The following MYPN variants were observed in gnomAD, a reference collection of about 807,000 sequenced individuals.
The protein encoded by MYPN is myopalladin.
A neutral mutation model predicts 129.4 loss-of-function variants in MYPN; 63 were observed. The ratio of observed to expected loss-of-function variants is 0.49; its 90% CI spans 0.40 to 0.60. The LOEUF (loss-of-function observed/expected upper bound fraction) is 0.60, where lower values mean the gene tolerates loss of function less well. Ranked by LOEUF, MYPN falls within the 20% of genes least tolerant of loss-of-function variation. The probability of loss-of-function intolerance (pLI) is 0.00; values close to 1 mark genes in which losing one functional copy is unlikely to be tolerated. For synonymous variants in MYPN, 629 were observed against 600.9 expected (o/e 1.05, Z -0.68); for missense variants, 1,596 against 1,635.4 (o/e 0.98, Z 0.42).
Position 68,148,409 on chromosome 10 carries a change from C to T in MYPN, c.1187C>T (p.Pro396Leu), listed in dbSNP as rs1324273324. Residue 396 changes from proline (P) to leucine (L), a missense_variant, in exon 5 of 20, where the codon CCA (proline) becomes CTA (leucine). Coordinates refer to ENST00000358913, the MANE Select transcript of MYPN (RefSeq NM_032578.4). ...SPPTTSAVIPPAVPQAQHLVA... is the reference protein window; with the variant it reads ...SPPTTSAVIPLAVPQAQHLVA... ...CCCACTACCTCTGCAGTCATTCCTCCAGCAGTACCCCAAGCCCAGCATTTG... is the reference window on the plus strand; with the variant it reads ...CCCACTACCTCTGCAGTCATTCCTCTAGCAGTACCCCAAGCCCAGCATTTG... 6.2e-7 allele frequency: 1 copy of T among 1,614,096 alleles called. No individual in the cohort carries two copies. Among genetic ancestry groups the T allele is most frequent in the Non-Finnish European group, 8.5e-7 (1 of 1,179,972 alleles).
chr10:68,192,710 G>A (rs2043535286), intron 13 of MYPN, among the ~76,000 whole-genome samples: 1 of 210 alleles, frequency 4.8e-3, no homozygotes, highest in African/African-American at 0.021. Flanking sequence ...GGTCTGGTCT[G>A]CTAGTTTTCT....
chr10:68,110,226 C>T (rs1043016791), intron 1 of MYPN, among the ~76,000 whole-genome samples: 1 of 152,174 alleles, frequency 6.6e-6, no homozygotes, highest in Non-Finnish European at 1.5e-5. Flanking sequence ...AAGTCTTGCT[C>T]AAGGGACATT....
chr10:68,135,531 T>C, intron 2 of MYPN: 1 of 981,356 alleles, frequency 1.0e-6, no homozygotes, highest in Non-Finnish European at 1.2e-6. Context: ...GCAAATGTAC[T>C]ACTTTTTGGC....
intron 10 of MYPN, among the ~76,000 whole-genome samples, chr10:68,173,142 G>A (rs1285110823): frequency 1.3e-5 from 2 of 152,210 alleles, no homozygotes; most frequent in Non-Finnish European, 2.9e-5. Flanking sequence ...CTTCCTGAAT[G>A]TATGGGGACA....
chr10:68,174,138 T>TTCATC lies in MYPN; in HGVS notation c.2049_2053dup (p.Pro685HisfsTer10). 6.2e-7 allele frequency: 1 copy of TTCATC among 1,614,000 alleles called. No individual in the cohort carries two copies. Among genetic ancestry groups the TTCATC allele is most frequent in the South Asian group, 1.1e-5 (1 of 91,068 alleles). ...AACACCAATTGCAAAACCCACCTCC[T>TTCATC]TCATCTCCTAAGGAGTTTCCTTTCA... On this transcript the variant is annotated frameshift_variant, in exon 11 of 20. Transcript: ENST00000358913. LOFTEE classifies it high-confidence loss of function.
At chr10:68,150,827 A>T (rs1309375502) in intron 6 of MYPN, among the ~76,000 whole-genome samples, 6 of 152,220 alleles carry the variant, frequency 3.9e-5, no homozygotes, top group African/African-American at 1.4e-4. Flanking sequence ...ATTAGATTTT[A>T]TGGTATTATG....
At chr10:68,112,248 T>C (rs543775403) in intron 1 of MYPN, among the ~76,000 whole-genome samples, 2 of 152,272 alleles carry the variant, frequency 1.3e-5, no homozygotes, top group African/African-American at 4.8e-5. Flanking sequence ...ATAGGATTTA[T>C]TTTTTACAAT....
chr10:68,149,736 G>T (rs144448329), intron 5 of MYPN, among the ~76,000 whole-genome samples: 2 of 152,254 alleles, frequency 1.3e-5, no homozygotes, highest in East Asian at 3.9e-4. Context: ...ACTGTGATCT[G>T]TGTAGCCCCA....
intron 7 of MYPN, among the ~76,000 whole-genome samples, chr10:68,160,547 A>G (rs1207820077): frequency 1.3e-5 from 2 of 152,178 alleles, no homozygotes; most frequent in Non-Finnish European, 2.9e-5. Flanking sequence ...TGGCAATTCA[A>G]TATCAATCAA....
intron 1 of MYPN, among the ~76,000 whole-genome samples, chr10:68,112,102 G>A (rs1019760065): frequency 6.6e-6 from 1 of 152,162 alleles, no homozygotes; most frequent in Non-Finnish European, 1.5e-5. Flanking sequence ...GGTTCATTAT[G>A]AATGGTGAGA....
chr10:68,199,218 G>A (rs7079385), intron 16 of MYPN, 150 bp from the exon 17 acceptor site: 6 of 771,476 alleles, frequency 7.8e-6, no homozygotes, highest in Non-Finnish European at 6.7e-6. Flanking sequence ...CAGACTCTTC[G>A]TTTCTCTCGA....
intron 3 of MYPN, among the ~76,000 whole-genome samples, chr10:68,144,174 A>G (rs1314494498): frequency 6.6e-6 from 1 of 152,170 alleles, no homozygotes; most frequent in Non-Finnish European, 1.5e-5. Context: ...TCAGGTTTAT[A>G]TGATTAATTT....
chr10:68,092,125 A>G (rs1323701126), intron 1 of MYPN, among the ~76,000 whole-genome samples: 1 of 152,196 alleles, frequency 6.6e-6, no homozygotes, highest in African/African-American at 2.4e-5. Flanking sequence ...TTTAAAAAAT[A>G]AAGTGCAGTC....
At chr10:68,148,519 T>C (rs755935078) in intron 5 of MYPN, 52 bp downstream of exon 5, 5 of 1,423,496 alleles carry the variant, frequency 3.5e-6, no homozygotes, top group African/African-American at 1.4e-5. Flanking sequence ...CAGACAGTCA[T>C]GGTGACCATG....
At chr10:68,096,719 A>G (rs902453583) in intron 1 of MYPN, among the ~76,000 whole-genome samples, 5 of 152,212 alleles carry the variant, frequency 3.3e-5, no homozygotes, top group Non-Finnish European at 5.9e-5. Flanking sequence ...CTTATTCTAC[A>G]TAAGAGTGTT....
chr10:68,194,897 G>C (rs979252849), intron 14 of MYPN, among the ~76,000 whole-genome samples: 2 of 152,148 alleles, frequency 1.3e-5, no homozygotes, highest in Admixed American at 1.3e-4. Context: ...ACTTTGCGAA[G>C]GTTTGTGAAT....
intron 2 of MYPN, among the ~76,000 whole-genome samples, chr10:68,134,598 C>A (rs571210840): frequency 8.7e-4 from 132 of 152,172 alleles, no homozygotes; most frequent in African/African-American, 2.3e-3. Context: ...AGATCAAGAC[C>A]ATCCTGGCTA....
chr10:68,187,463 G>C (rs2043440538), intron 12 of MYPN, among the ~76,000 whole-genome samples: 1 of 152,108 alleles, frequency 6.6e-6, no homozygotes. Flanking sequence ...TTTAAAACCT[G>C]ATTTTCATGG....
chr10:68,179,097 CCTT>C (rs1479825690), intron 12 of MYPN, among the ~76,000 whole-genome samples: 6 of 152,134 alleles, frequency 3.9e-5, no homozygotes, highest in South Asian at 2.1e-4. Context: ...CCTCTAATCT[CCTT>C]CTTCTCTGAA....
Sources: gnomAD v4.1 joint callset for allele counts (sites outside exome capture counted in the v4.1 genomes callset) on GRCh38, gnomAD v4.1.1 for gene constraint, MANE v1.5 for transcripts, NCBI Gene and HGNC (gene_info 2026-07-23, HGNC 2026-07-21) for gene names.